The following SET variants were observed in gnomAD, a reference collection of about 807,000 sequenced individuals.
SET encodes the protein protein SET.
SET carries 4 observed loss-of-function variants against 39.0 expected under a neutral mutation model. That is an observed-to-expected ratio of 0.10 (90% CI 0.05 to 0.23). The LOEUF (loss-of-function observed/expected upper bound fraction) is 0.23. Among genes scored for constraint, SET ranks in the 10% least tolerant of loss-of-function variants. The pLI is 1.00. For missense variants in SET, 137 were observed against 329.7 expected (o/e 0.42, Z 4.53); for synonymous variants, 114 against 115.9 (o/e 0.98, Z 0.11).
At chr9:128,690,048 C>A in intron 1 of SET, 1 of 981,024 alleles carries the variant, frequency 1.0e-6, no homozygotes, top group Non-Finnish European at 1.2e-6. Flanking sequence ...CGCGGCCCCG[C>A]GCCCGACCTC....
upstream of SET, among the ~76,000 whole-genome samples, chr9:128,687,741 T>G (rs1317500945): frequency 6.6e-6 from 1 of 152,144 alleles, no homozygotes; most frequent in Non-Finnish European, 1.5e-5. Flanking sequence ...GTTTTTGTTT[T>G]AGAGATAGGG....
upstream of SET, among the ~76,000 whole-genome samples, chr9:128,684,328 C>T (rs1367351534): frequency 6.6e-6 from 1 of 152,132 alleles, no homozygotes. Context: ...CTTCACCCCT[C>T]CACATCCAGC....
At chr9:128,691,117 G>A (rs1192334269) in intron 1 of SET, 53 bp from the exon 2 acceptor site, 5 of 1,394,782 alleles carry the variant, frequency 3.6e-6, no homozygotes, top group Non-Finnish European at 5.1e-6. Flanking sequence ...ATTAACATCT[G>A]GAAAACTAGG....
chr9:128,689,152 C>A, upstream of SET: 1 of 518,004 alleles, frequency 1.9e-6, no homozygotes, highest in Middle Eastern at 9.6e-4. Context: ...AATGGCGCCG[C>A]GGCGCGAGCC....
At chr9:128,690,028 T>G in intron 1 of SET, 3 of 1,027,914 alleles carry the variant, frequency 2.9e-6, no homozygotes, top group Non-Finnish European at 3.5e-6. Context: ...CGCCACATGG[T>G]GCGGCCGGAC....
chr9:128,689,047 G>A (rs1861389743), upstream of SET, among the ~76,000 whole-genome samples: 1 of 150,436 alleles, frequency 6.6e-6, no homozygotes, highest in Non-Finnish European at 1.5e-5. Flanking sequence ...CGGCGCGGGG[G>A]GCGGCCGTGC....
rs1861412269 is a variant in SET at position 128,689,397 on chromosome 9, G to A, written c.-186G>A. 2 of 907,172 alleles carry A rather than the reference G, an allele frequency of 2.2e-6. No individual in the cohort carries two copies. The highest frequency in any genetic ancestry group is 2.7e-6 in the Non-Finnish European group (2 of 728,010). 56.2% of individuals were successfully genotyped at this position (907,172 alleles called of 1,614,324 possible). A position where few individuals can be genotyped will look rare whatever the true frequency, so the allele number is the denominator to read the frequency against. ...GCACGCCGCCCCAGCCCGTCCCTCG[G>A]CGTCAGGCCGCGAGGGTAGCGCGCG... On this transcript the variant is annotated 5_prime_UTR_variant, in exon 1 of 8. Coordinates refer to ENST00000322030, the MANE Select transcript of SET (RefSeq NM_003011.4).
Position 128,694,891 on chromosome 9 carries a change from A to C in SET, c.*227A>C, listed in dbSNP as rs890154601. The C allele has an allele frequency of 7.4e-6, 3 of 406,394 alleles. No individual in the cohort carries two copies. The highest frequency in any genetic ancestry group is 6.2e-5 in the African/African-American group (3 of 48,056). 25.2% of individuals were successfully genotyped at this position (406,394 alleles called of 1,614,324 possible). On this transcript the variant is annotated 3_prime_UTR_variant, in exon 8 of 8. Coordinates refer to ENST00000322030, the MANE Select transcript of SET (RefSeq NM_003011.4). ...CTCTACCCCTTTCTGTTCGAAGTTCATTTTTATCCCTTCCTGTCTGAACAA... is the reference window on the plus strand; with the variant it reads ...CTCTACCCCTTTCTGTTCGAAGTTCCTTTTTATCCCTTCCTGTCTGAACAA...
In SET at chr9:128,691,355, C is replaced by T. The variant is rs981902291; in HGVS notation, c.131+128C>T. 4.5e-6 allele frequency: 3 copies of T among 661,882 alleles called. 1 individual carries two copies. In the Middle Eastern group the frequency reaches 1.3e-3, roughly 277 times the overall value. The allele number at this position is 661,882 out of a possible 1,614,324, so 41.0% of individuals were successfully genotyped here. ...AATGATTCTAACTTGGTTGGAAATACTTATGTAGATTCAGTGTTTTTTGGT... is the reference window on the plus strand; with the variant it reads ...AATGATTCTAACTTGGTTGGAAATATTTATGTAGATTCAGTGTTTTTTGGT... On this transcript the variant is annotated intron_variant, in intron 2 of 7. Transcript: ENST00000322030.
intron 5 of SET, among the ~76,000 whole-genome samples, chr9:128,693,212 A>G (rs1340710735): frequency 2.6e-5 from 4 of 152,218 alleles, no homozygotes; most frequent in African/African-American, 9.7e-5. Context: ...TGGGCAACAT[A>G]GACCCTTACC....
Position 128,691,155 on chromosome 9 carries a change from G to T in SET, c.74-15G>T, listed in dbSNP as rs1861521372. On this transcript the variant is annotated splice_polypyrimidine_tract_variant and intron_variant, in intron 1 of 7. Transcript: ENST00000322030. Reference sequence around the variant, plus strand: ...AATTTATCTTAGAATTAAGTTTTTTGCTCCTTTTTTGCAGAAAAAGAACAG... The same window carrying T: ...AATTTATCTTAGAATTAAGTTTTTTTCTCCTTTTTTGCAGAAAAAGAACAG... 7.6e-6 allele frequency: 12 copies of T among 1,588,452 alleles called. No individual in the cohort carries two copies. The highest frequency in any genetic ancestry group is 1.7e-5 in the Admixed American group (1 of 57,450).
chr9:128,689,228 C>G lies in SET; in HGVS notation c.-355C>G. 1 of 997,014 alleles carries G rather than the reference C, an allele frequency of 1.0e-6. No individual in the cohort carries two copies. 61.8% of individuals were successfully genotyped at this position (997,014 alleles called of 1,614,324 possible). On this transcript the variant is annotated 5_prime_UTR_variant, in exon 1 of 8. Coordinates refer to ENST00000322030, the MANE Select transcript of SET (RefSeq NM_003011.4). ...GCCTGCGCCCTGCGCCCGCCCCTCG[C>G]CGTAGGAGGAGGTGGAGGAGGAGGC...
chr9:128,690,035 G>C (rs1002196298), intron 1 of SET: 1 of 1,019,766 alleles, frequency 9.8e-7, no homozygotes, highest in Non-Finnish European at 1.2e-6. Flanking sequence ...TGGTGCGGCC[G>C]GACGCGGCCC....
chr9:128,686,539 G>A (rs1051425850), upstream of SET, among the ~76,000 whole-genome samples: 1 of 152,108 alleles, frequency 6.6e-6, no homozygotes, highest in African/African-American at 2.4e-5. Flanking sequence ...GCCCAGGAGC[G>A]GGTCGTGAAA....
At chr9:128,694,583 A>G (rs528362823) in intron 7 of SET, 58 bp from the exon 8 acceptor site, 4 of 1,271,084 alleles carry the variant, frequency 3.1e-6, no homozygotes, top group African/African-American at 3.1e-5. Flanking sequence ...ATTGTGGTCC[A>G]TATGAAAGCA....
chr9:128,690,108 C>A, intron 1 of SET: 1 of 322,004 alleles, frequency 3.1e-6, no homozygotes, highest in Non-Finnish European at 4.5e-6. Flanking sequence ...CCCGGCACCC[C>A]CGCCCAGAGG....
upstream of SET, among the ~76,000 whole-genome samples, chr9:128,686,949 A>C (rs1564356446): frequency 6.6e-6 from 1 of 152,174 alleles, no homozygotes; most frequent in Non-Finnish European, 1.5e-5. Context: ...GGCGACAGAG[A>C]GAGACCCTGT....
At chr9:128,689,723 G>C in intron 1 of SET, 68 bp downstream of exon 1, 1 of 312,016 alleles carries the variant, frequency 3.2e-6, no homozygotes, top group Non-Finnish European at 4.6e-6. Flanking sequence ...CCCGCAGGCC[G>C]CCGGCGGGGC....
rs1459289592 is a variant in SET, at chr9:128,689,408, C to A, written c.-175C>A. The stretch of plus-strand genomic sequence containing the variant: ...CAGCCCGTCCCTCGGCGTCAGGCCG[C>A]GAGGGTAGCGCGCGCGAGCGAGCGA... On this transcript the variant is annotated 5_prime_UTR_variant, in exon 1 of 8. Coordinates refer to ENST00000322030, the MANE Select transcript of SET (RefSeq NM_003011.4). The A allele has an allele frequency of 7.0e-6, 5 of 711,812 alleles. No individual in the cohort carries two copies. The highest frequency in any genetic ancestry group is 7.2e-6 in the Non-Finnish European group (4 of 558,128). The allele number at this position is 711,812 out of a possible 1,614,324, so 44.1% of individuals were successfully genotyped here.
Sources: allele counts gnomAD v4.1 joint callset (sites outside exome capture counted in the v4.1 genomes callset), GRCh38; gene constraint gnomAD v4.1.1; transcripts MANE v1.5; gene names NCBI Gene and HGNC (gene_info 2026-07-23, HGNC 2026-07-21).